The following ABCD3 variants were observed in gnomAD, a reference collection of about 807,000 sequenced individuals.
The protein encoded by ABCD3 is ATP-binding cassette sub-family D member 3.
In ABCD3, 41 loss-of-function variants were observed where a neutral mutation model predicts 105.5. That is an observed-to-expected ratio of 0.39 (90% confidence interval 0.30 to 0.50). ABCD3 has a LOEUF of 0.50. Among genes scored for constraint, ABCD3 ranks in the 20% least tolerant of loss-of-function variants. The pLI, the probability that ABCD3 is intolerant of heterozygous loss-of-function variation, is 0.84. For synonymous variants in ABCD3, 258 were observed against 269.0 expected, an observed-to-expected ratio of 0.96 and a Z score of 0.40; for missense variants, 622 against 806.3, an observed-to-expected ratio of 0.77 and a Z score of 2.77.
chr1:94,503,433 A>ACTTC (rs1462598215), intron 20 of ABCD3, among the ~76,000 whole-genome samples: 1 of 151,976 alleles, frequency 6.6e-6, no homozygotes, highest in East Asian at 1.9e-4. Context: ...AAAGGCAAAT[A>ACTTC]CTTCCATCTA....
At chr1:94,434,177 A>T (rs890843082) in intron 1 of ABCD3, among the ~76,000 whole-genome samples, 5 of 149,924 alleles carry the variant, frequency 3.3e-5, no homozygotes, top group Admixed American at 1.3e-4. Flanking sequence ...AAATTTATTT[A>T]AAAAAAATTT....
chr1:94,408,720 A>G, the ABCD3 span, among the ~76,000 whole-genome samples: 846 of 152,238 alleles, frequency 5.6e-3, 9 homozygotes, highest in African/African-American at 0.019. Flanking sequence ...AGAAAAGCAT[A>G]CTCCCATGCT....
At chr1:94,438,791 G>A (rs1229440524) in intron 1 of ABCD3, among the ~76,000 whole-genome samples, 1 of 151,402 alleles carries the variant, frequency 6.6e-6, no homozygotes, top group East Asian at 1.9e-4. Context: ...TTTTTTTTTA[G>A]ACGTAATGTC....
At chr1:94,511,841 A>G (rs1650687322) in intron 21 of ABCD3, among the ~76,000 whole-genome samples, 1 of 152,056 alleles carries the variant, frequency 6.6e-6, no homozygotes, top group Non-Finnish European at 1.5e-5. Context: ...TTTCAGCTCC[A>G]TCAGCTCCTT....
At chr1:94,472,286 G>C (rs1255625704) in intron 4 of ABCD3, 1 of 892,252 alleles carries the variant, frequency 1.1e-6, no homozygotes, top group Admixed American at 6.2e-5. Flanking sequence ...GTGTTTCACA[G>C]CTTGGGCAGC....
intron 8 of ABCD3, chr1:94,478,675 C>T: frequency 1.1e-6 from 1 of 909,074 alleles, no homozygotes; most frequent in South Asian, 2.5e-5. Flanking sequence ...AAAAGCGAGA[C>T]CCGCTTCTTT....
intron 7 of ABCD3, among the ~76,000 whole-genome samples, chr1:94,475,945 T>C (rs1342431781): frequency 6.6e-6 from 1 of 152,158 alleles, no homozygotes; most frequent in East Asian, 1.9e-4. Context: ...GAACTGATAA[T>C]TTAGTGTCTT....
chr1:94,391,230 C>G, the ABCD3 span, among the ~76,000 whole-genome samples: 2 of 152,100 alleles, frequency 1.3e-5, no homozygotes, highest in African/African-American at 4.8e-5. Flanking sequence ...TTCTGTTCAC[C>G]AGCTCTTGAT....
At chr1:94,516,992 A>G in intron 22 of ABCD3, 60 bp from the exon 23 acceptor site, 1 of 1,166,208 alleles carries the variant, frequency 8.6e-7, no homozygotes, top group Non-Finnish European at 1.3e-6. Context: ...TACTTTTCAT[A>G]AAAGACAGTA....
At chr1:94,495,251 G>A (rs933183060) in intron 16 of ABCD3, among the ~76,000 whole-genome samples, 1 of 152,070 alleles carries the variant, frequency 6.6e-6, no homozygotes, top group Non-Finnish European at 1.5e-5. Flanking sequence ...TTTATAGAAA[G>A]TAGGATTTAT....
At chr1:94,406,478 A>G in the ABCD3 span, 1 of 426,734 alleles carries the variant, frequency 2.3e-6, no homozygotes, top group Non-Finnish European at 4.7e-6. Context: ...CTCTGGGTGG[A>G]ACAGGCTGGC....
At position 94,472,454 on chromosome 1, in the gene ABCD3, G is replaced by GT. The variant is rs4148072; in HGVS notation, c.336-1298dup. On this transcript the variant is annotated intron_variant, in intron 4 of 22. Transcript: ENST00000370214. Reference sequence around the variant, plus strand: ...TCTATTTAACTTTCTTGTAGTTAGCGTTTTTTTTTTTTTTAACTGTTTTAC... The same window carrying GT: ...TCTATTTAACTTTCTTGTAGTTAGCGTTTTTTTTTTTTTTTAACTGTTTTAC... Among the ~76,000 whole-genome samples the GT allele has an allele frequency of 2.8e-3, 401 of 143,852 alleles. 1 individual carries two copies. The highest frequency in any genetic ancestry group is 0.014 in the South Asian group (64 of 4,572). 94.4% of individuals were successfully genotyped at this position (143,852 alleles called of 152,430 possible).
At position 94,483,473 on chromosome 1, in the gene ABCD3, A is replaced by G. The variant is rs141023153; in HGVS notation, c.897+234A>G. 8.3e-3 allele frequency among the ~76,000 whole-genome samples: 1,267 copies of G among 152,304 alleles called. 6 individuals carry two copies. Among genetic ancestry groups the G allele is most frequent in the Non-Finnish European group, 0.014 (950 of 68,012 alleles). On this transcript the variant is annotated intron_variant, in intron 10 of 22. Transcript: ENST00000370214. ...CAAGTGCCCATTTATAAAATTGCAT[A>G]GATTTATTAAAATAATATTAAGTGT...
chr1:94,509,358 G>A (rs1276207438), intron 21 of ABCD3, among the ~76,000 whole-genome samples: 1 of 152,188 alleles, frequency 6.6e-6, no homozygotes. Context: ...TGGTGGATAA[G>A]CTTTTTGATG....
At chr1:94,418,228 C>T (rs1659097433), upstream of ABCD3, among the ~76,000 whole-genome samples, 1 of 152,188 alleles carries the variant, frequency 6.6e-6, no homozygotes, top group African/African-American at 2.4e-5. Context: ...TGAAGGAGTC[C>T]GCGCGTGCGC....
intron 1 of ABCD3, among the ~76,000 whole-genome samples, chr1:94,451,937 T>A (rs1055582895): frequency 3.3e-5 from 5 of 152,242 alleles, no homozygotes; most frequent in African/African-American, 7.2e-5. Flanking sequence ...AGTTCCCAAC[T>A]CTTATTTATT....
chr1:94,426,167 C>G (rs1268836258), intron 1 of ABCD3, among the ~76,000 whole-genome samples: 8 of 152,194 alleles, frequency 5.3e-5, no homozygotes, highest in Non-Finnish European at 1.2e-4. Flanking sequence ...GAAAATCTCC[C>G]AAAGGAAGCC....
At chr1:94,437,866 C>G (rs549555396) in intron 1 of ABCD3, among the ~76,000 whole-genome samples, 76 of 152,190 alleles carry the variant, frequency 5.0e-4, no homozygotes, top group African/African-American at 1.6e-3. Flanking sequence ...AGAAGTTATT[C>G]CAACCCTCAT....
intron 13 of ABCD3, among the ~76,000 whole-genome samples, chr1:94,488,451 A>G (rs1184518732): frequency 6.6e-6 from 1 of 152,106 alleles, no homozygotes; most frequent in African/African-American, 2.4e-5. Context: ...GAATGTAGTC[A>G]TATTATCTAG....
Sources: gnomAD v4.1 joint callset for allele counts (sites outside exome capture counted in the v4.1 genomes callset) on GRCh38, gnomAD v4.1.1 for gene constraint, MANE v1.5 for transcripts, NCBI Gene and HGNC (gene_info 2026-07-23, HGNC 2026-07-21) for gene names.